Variants in ROBO1 observed in about 807,000 individuals in gnomAD.
The protein encoded by ROBO1 is roundabout guidance receptor 1.
In ROBO1, 149 loss-of-function variants were observed where a neutral mutation model predicts 195.9. The ratio of observed to expected loss-of-function variants is 0.76; its 90% CI spans 0.67 to 0.87. ROBO1 has a LOEUF of 0.87. Ranked by LOEUF, ROBO1 falls within the 40% of genes least tolerant of loss-of-function variation. The pLI is 0.00. For missense variants in ROBO1, 1,933 were observed against 2,068.3 expected (o/e 0.93, Z 1.27); for synonymous variants, 816 against 733.2 (o/e 1.11, Z -1.82).
chr3:79,694,922 A>G (rs562664542), intron 1 of ROBO1, among the ~76,000 whole-genome samples: 4 of 151,774 alleles, frequency 2.6e-5, no homozygotes, highest in Non-Finnish European at 5.9e-5. Context: ...TTGGCCATGT[A>G]ATTTTGATTC....
chr3:79,640,940 T>C (rs890549709), intron 1 of ROBO1, among the ~76,000 whole-genome samples: 1 of 152,178 alleles, frequency 6.6e-6, no homozygotes, highest in South Asian at 2.1e-4. Context: ...TGGATTGCTC[T>C]TCCTTCATAT....
At chr3:79,151,346 T>G (rs922293442) in intron 2 of ROBO1, among the ~76,000 whole-genome samples, 3 of 151,846 alleles carry the variant, frequency 2.0e-5, no homozygotes, top group Non-Finnish European at 2.9e-5. Context: ...GAGTCATCCT[T>G]GATTCTTTGT....
At position 79,008,815 on chromosome 3, in the gene ROBO1, C is replaced by G. The variant is rs189486988; in HGVS notation, c.173-69888G>C. On this transcript the variant is annotated intron_variant, in intron 3 of 30. Transcript: ENST00000464233. ...TGTTGCCCAGGCTAGTCTCAAACTTCTGGGCTTAAGCAATCCTCCCACCTC... is the reference window on the plus strand; with the variant it reads ...TGTTGCCCAGGCTAGTCTCAAACTTGTGGGCTTAAGCAATCCTCCCACCTC... Among the ~76,000 whole-genome samples the G allele has an allele frequency of 1.5e-3, 214 of 144,568 alleles. 1 individual carries two copies. The highest frequency in any genetic ancestry group is 5.2e-3 in the African/African-American group (202 of 38,956). 94.8% of individuals were successfully genotyped at this position (144,568 alleles called of 152,430 possible).
intron 4 of ROBO1, among the ~76,000 whole-genome samples, chr3:78,928,962 A>G (rs2039363304): frequency 6.6e-6 from 1 of 152,066 alleles, no homozygotes; most frequent in Admixed American, 6.6e-5. Flanking sequence ...AGGGGGAGAG[A>G]TTGAGATATA....
rs186302251 is a variant in ROBO1, at chr3:79,758,223, C to T, written c.-51+9529G>A. On this transcript the variant is annotated intron_variant, in intron 1 of 30. Transcript: ENST00000464233. ...TAGAACTTTCTCTGATGATGGAAAC[C>T]GTCTGTATCTGCTCTATCCAAGACA... is the stretch of plus-strand genomic sequence containing the variant. Among the ~76,000 whole-genome samples, 344 of 152,248 alleles carry T rather than the reference C, an allele frequency of 2.3e-3. 3 individuals are homozygous for T. The highest frequency in any genetic ancestry group is 7.1e-3 in the African/African-American group (294 of 41,540).
intron 1 of ROBO1, among the ~76,000 whole-genome samples, chr3:79,693,382 T>A (rs1008564150): frequency 1.0e-5 from 1 of 96,982 alleles, no homozygotes; most frequent in African/African-American, 4.3e-5. Context: ...TATATAGAGA[T>A]TTGTGTGTGT....
At chr3:78,963,100 T>G (rs1294647500) in intron 3 of ROBO1, among the ~76,000 whole-genome samples, 1 of 151,390 alleles carries the variant, frequency 6.6e-6, no homozygotes, top group African/African-American at 2.4e-5. Context: ...GATATATATA[T>G]ATATATATAT....
chr3:79,146,689 T>C (rs866884451), intron 2 of ROBO1, among the ~76,000 whole-genome samples: 2 of 151,974 alleles, frequency 1.3e-5, no homozygotes, highest in African/African-American at 4.8e-5. Context: ...GAATTAAATG[T>C]ATGCTACTTT....
intron 3 of ROBO1, among the ~76,000 whole-genome samples, chr3:78,965,989 C>A (rs2076634024): frequency 6.6e-6 from 1 of 152,176 alleles, no homozygotes; most frequent in African/African-American, 2.4e-5. Flanking sequence ...TTGTGTTAGA[C>A]CAGGGGTCCC....
intron 3 of ROBO1, among the ~76,000 whole-genome samples, chr3:79,103,013 C>A (rs944780162): frequency 6.6e-6 from 1 of 151,566 alleles, no homozygotes; most frequent in Non-Finnish European, 1.5e-5. Context: ...TCGAAGAGTT[C>A]GTCTAATATG....
At chr3:78,640,223 T>G (rs1255283567) in intron 21 of ROBO1, among the ~76,000 whole-genome samples, 2 of 152,160 alleles carry the variant, frequency 1.3e-5, no homozygotes, top group African/African-American at 4.8e-5. Flanking sequence ...TTTTGAGTCT[T>G]TTAGTGGTTT....
At chr3:79,005,943 C>A (rs1305226064) in intron 3 of ROBO1, among the ~76,000 whole-genome samples, 1 of 152,126 alleles carries the variant, frequency 6.6e-6, no homozygotes, top group Non-Finnish European at 1.5e-5. Context: ...GACTTCTTTG[C>A]AATTCAGCCA....
chr3:78,770,272 C>A (rs1401614351), intron 4 of ROBO1, among the ~76,000 whole-genome samples: 1 of 152,136 alleles, frequency 6.6e-6, no homozygotes, highest in African/African-American at 2.4e-5. Flanking sequence ...CTATTCTCTG[C>A]AATCTCACCA....
At chr3:79,608,153 G>A (rs1000840763) in intron 1 of ROBO1, among the ~76,000 whole-genome samples, 1 of 151,892 alleles carries the variant, frequency 6.6e-6, no homozygotes, top group Non-Finnish European at 1.5e-5. Context: ...CAAGTTCGTC[G>A]TATGGAAATT....
chr3:78,899,504 A>G (rs2037455213), intron 4 of ROBO1, among the ~76,000 whole-genome samples: 1 of 152,172 alleles, frequency 6.6e-6, no homozygotes, highest in Non-Finnish European at 1.5e-5. Flanking sequence ...ATAATCCTAT[A>G]TTTGTGTTAG....
rs996412679 is a variant in ROBO1, at chr3:79,171,430, A to T, written c.89-45891T>A. 1.5e-4 allele frequency among the ~76,000 whole-genome samples: 22 copies of T among 150,704 alleles called. No individual in the cohort carries two copies. The East Asian group carries it at 1.9e-3, about 13-fold the overall frequency. On this transcript the variant is annotated intron_variant, in intron 2 of 30. Transcript: ENST00000464233. ...GAAAATTGCAAAAAAAAAAAAAAAA[A>T]AGCCATAACAAAATCTGGGCTTAAT...
At chr3:79,136,171 T>G (rs2080404626) in intron 2 of ROBO1, among the ~76,000 whole-genome samples, 1 of 152,206 alleles carries the variant, frequency 6.6e-6, no homozygotes, top group African/African-American at 2.4e-5. Flanking sequence ...GTAGCCAGTA[T>G]TATATTGTGG....
intron 3 of ROBO1, among the ~76,000 whole-genome samples, chr3:78,963,880 G>T (rs1023213067): frequency 6.6e-6 from 1 of 152,144 alleles, no homozygotes; most frequent in Non-Finnish European, 1.5e-5. Context: ...ACAAAATAGT[G>T]AATGTATTAG....
intron 21 of ROBO1, among the ~76,000 whole-genome samples, chr3:78,641,047 T>C (rs1261090250): frequency 3.3e-5 from 5 of 152,178 alleles, no homozygotes; most frequent in Admixed American, 2.6e-4. Flanking sequence ...TGTGGGTACA[T>C]ATAGTTATAT....
Sources: gnomAD v4.1 joint callset for allele counts (sites outside exome capture counted in the v4.1 genomes callset) on GRCh38, gnomAD v4.1.1 for gene constraint, MANE v1.5 for transcripts, NCBI Gene and HGNC (gene_info 2026-07-23, HGNC 2026-07-21) for gene names.